Variants in EMCN observed in about 807,000 individuals in gnomAD.
EMCN encodes the protein endomucin, also known as MUC-14.
In EMCN, 37 loss-of-function variants were observed where a neutral mutation model predicts 38.4. That is an observed-to-expected ratio of 0.96 (90% CI 0.74 to 1.27). EMCN has a LOEUF of 1.27. EMCN is among the 50% of genes most tolerant of loss of function. The pLI, the probability that EMCN is intolerant of heterozygous loss-of-function variation, is 0.00. For missense variants in EMCN, 318 were observed against 302.8 expected, an observed-to-expected ratio of 1.05 and a Z score of -0.37; for synonymous variants, 95 against 100.8, an observed-to-expected ratio of 0.94 and a Z score of 0.35.
At chr4:100,438,041 CA>C (rs1458135983) in intron 5 of EMCN, among the ~76,000 whole-genome samples, 1 of 151,656 alleles carries the variant, frequency 6.6e-6, no homozygotes, top group African/African-American at 2.4e-5. Context: ...TGTATCTTTC[CA>C]TTTATTTCTG....
intron 11 of EMCN, 64 bp downstream of exon 11, chr4:100,410,218 G>A: frequency 9.1e-7 from 1 of 1,100,760 alleles, no homozygotes; most frequent in South Asian, 1.3e-5. Flanking sequence ...AACAATCTAA[G>A]CTGCACCAGG....
chr4:100,420,191 T>G (rs1323879937), intron 8 of EMCN, among the ~76,000 whole-genome samples: 4 of 152,062 alleles, frequency 2.6e-5, no homozygotes, highest in Non-Finnish European at 1.5e-5. Flanking sequence ...GATTTGTGAC[T>G]TGGAAGGGTT....
chr4:100,507,357 A>C (rs1368463031), intron 1 of EMCN, among the ~76,000 whole-genome samples: 3 of 152,164 alleles, frequency 2.0e-5, no homozygotes, highest in Non-Finnish European at 2.9e-5. Flanking sequence ...TTTATCTTAA[A>C]CTAGTACAAG....
intron 1 of EMCN, among the ~76,000 whole-genome samples, chr4:100,482,435 A>C (rs970454190): frequency 2.0e-5 from 3 of 152,114 alleles, no homozygotes; most frequent in African/African-American, 7.2e-5. Context: ...AGATAAAATA[A>C]GACTACTCTG....
intron 1 of EMCN, among the ~76,000 whole-genome samples, chr4:100,488,906 T>G (rs554539608): frequency 3.9e-5 from 6 of 152,326 alleles, no homozygotes; most frequent in African/African-American, 1.4e-4. Flanking sequence ...GAATTTTTTT[T>G]GCCCTGAAAG....
At chr4:100,512,776 A>C (rs1729660347) in intron 1 of EMCN, among the ~76,000 whole-genome samples, 1 of 151,244 alleles carries the variant, frequency 6.6e-6, no homozygotes, top group Non-Finnish European at 1.5e-5. Flanking sequence ...GTTGCACTCC[A>C]GCCTGGGCAA....
chr4:100,480,642 C>G (rs1728782580), intron 1 of EMCN, among the ~76,000 whole-genome samples: 1 of 151,564 alleles, frequency 6.6e-6, no homozygotes, highest in Admixed American at 6.6e-5. Context: ...TAATGAAATT[C>G]AACAACTGCA....
At chr4:100,416,113 CAT>C (rs35553330) in intron 9 of EMCN, among the ~76,000 whole-genome samples, 154 bp from the exon 10 acceptor site, 383 of 147,448 alleles carry the variant, frequency 2.6e-3, no homozygotes, top group African/African-American at 7.3e-3. Context: ...TGTATACATA[CAT>C]ATATATATAT....
intron 4 of EMCN, among the ~76,000 whole-genome samples, chr4:100,459,176 TC>T (rs1560623960): frequency 4.2e-3 from 3 of 722 alleles, no homozygotes; most frequent in African/African-American, 0.041. Context: ...ATGCTCTCTC[TC>T]TCTCTCTCTC....
intron 11 of EMCN, among the ~76,000 whole-genome samples, chr4:100,409,616 A>G (rs889365312): frequency 1.3e-5 from 2 of 152,232 alleles, no homozygotes; most frequent in Admixed American, 1.3e-4. Flanking sequence ...CTGGTTACAC[A>G]GCAAGACTAT....
chr4:100,462,677 G>T (rs1344115410), intron 4 of EMCN, among the ~76,000 whole-genome samples: 1 of 151,960 alleles, frequency 6.6e-6, no homozygotes, highest in Admixed American at 6.6e-5. Context: ...TTACAAAATA[G>T]GTTCTACTTA....
At chr4:100,464,603 G>C (rs1169622393) in intron 4 of EMCN, among the ~76,000 whole-genome samples, 1 of 152,050 alleles carries the variant, frequency 6.6e-6, no homozygotes, top group Non-Finnish European at 1.5e-5. Context: ...TAATATGAGT[G>C]AATGTTAGAT....
chr4:100,420,476 T>A (rs1477627156), intron 8 of EMCN, among the ~76,000 whole-genome samples: 2 of 152,024 alleles, frequency 1.3e-5, no homozygotes, highest in South Asian at 4.1e-4. Context: ...TACTACATTA[T>A]ACGACCAGGG....
At position 100,410,297 on chromosome 4, in the gene EMCN, G is replaced by C. The variant is rs1379974933; in HGVS notation, c.*24C>G. ...GGAAACTTACGTAATTATTGCCTAG[G>C]TGTGGAGAGAATTCCTCAAGCTGTC... On this transcript the variant is annotated 3_prime_UTR_variant, in exon 11 of 12. Transcript: ENST00000296420. 6.2e-7 allele frequency: 1 copy of C among 1,609,800 alleles called. No homozygotes were observed. The highest frequency in any genetic ancestry group is 2.2e-5 in the East Asian group (1 of 44,820).
At chr4:100,473,382 T>TTTG (rs1728545532) in intron 3 of EMCN, among the ~76,000 whole-genome samples, 2 of 119,820 alleles carry the variant, frequency 1.7e-5, no homozygotes, top group African/African-American at 6.5e-5. Flanking sequence ...TGTTTTTTTT[T>TTTG]TTTGTTTTTT....
intron 1 of EMCN, among the ~76,000 whole-genome samples, chr4:100,494,762 G>A (rs1257826551): frequency 3.3e-5 from 5 of 151,292 alleles, no homozygotes; most frequent in Admixed American, 6.6e-5. Context: ...TTTCTGCTGC[G>A]GAAAATAAAA....
chr4:100,497,672 G>A (rs1444857160), intron 1 of EMCN, among the ~76,000 whole-genome samples: 3 of 152,144 alleles, frequency 2.0e-5, no homozygotes, highest in East Asian at 3.9e-4. Flanking sequence ...CACCGCTCCA[G>A]GCCCAAATCA....
intron 11 of EMCN, among the ~76,000 whole-genome samples, chr4:100,400,432 A>C (rs1726226247): frequency 6.6e-6 from 1 of 151,678 alleles, no homozygotes; most frequent in African/African-American, 2.4e-5. Flanking sequence ...ATTTGCCACT[A>C]AACTTCACGT....
chr4:100,408,690 C>A (rs1726463379), intron 11 of EMCN, among the ~76,000 whole-genome samples: 1 of 152,138 alleles, frequency 6.6e-6, no homozygotes, highest in Non-Finnish European at 1.5e-5. Context: ...TTAGCACTCC[C>A]AGACTGTGCA....
Sources: allele counts gnomAD v4.1 joint callset (sites outside exome capture counted in the v4.1 genomes callset), GRCh38; gene constraint gnomAD v4.1.1; transcripts MANE v1.5; gene names NCBI Gene and HGNC (gene_info 2026-07-23, HGNC 2026-07-21).